Variants in ZBTB26 observed in about 807,000 individuals in gnomAD.
The protein encoded by ZBTB26 is zinc finger and BTB domain containing 26, also known as zinc finger and BTB domain-containing protein 26.
Under a neutral mutation model 31.6 loss-of-function variants are expected in ZBTB26, and 12 were observed. The observed-to-expected ratio is 0.38, with a 90% CI of 0.24 to 0.61. The LOEUF is 0.61. Ranked by LOEUF, ZBTB26 falls within the 20% of genes least tolerant of loss-of-function variation. ZBTB26 has a pLI of 0.60. For missense variants in ZBTB26, 311 were observed against 521.9 expected (o/e 0.60, Z 3.94); for synonymous variants, 155 against 182.9 (o/e 0.85, Z 1.23).
chr9:122,918,608 C>T lies in ZBTB26; in HGVS notation c.*1G>A, dbSNP rs768343857. On this transcript the variant is annotated 3_prime_UTR_variant, in exon 2 of 2. Coordinates refer to ENST00000373656, the MANE Select transcript of ZBTB26 (RefSeq NM_020924.4). ...TCGAGTTGTGAGCATGAAGCCCCTA[C>T]TCAATTCACACAAGTACTATCATTT... is the stretch of plus-strand genomic sequence containing the variant. 6.2e-7 allele frequency: 1 copy of T among 1,608,998 alleles called. No homozygotes were observed. Among genetic ancestry groups the T allele is most frequent in the Non-Finnish European group, 8.5e-7 (1 of 1,177,560 alleles).
chr9:122,919,948 A>T lies in ZBTB26; in HGVS notation c.-10-4T>A. 1.3e-6 allele frequency: 2 copies of T among 1,542,932 alleles called. No individual in the cohort carries two copies. Among genetic ancestry groups the T allele is most frequent in the East Asian group, 4.5e-5 (2 of 44,406 alleles). ...TCTTTCAGACATTTTGGCAGACCTA[A>T]AGAACAGAAATGTAAAAAGGTTGAA... On this transcript the variant is annotated splice_polypyrimidine_tract_variant and splice_region_variant and intron_variant, in intron 1 of 1. Transcript: ENST00000373656. This position sits in a 1 kb window ranked among gnomAD's most constrained non-coding sequence, Gnocchi z 6.1.
At chr9:122,920,053 T>C in intron 1 of ZBTB26, 109 bp from the exon 2 acceptor site, 1 of 1,264,032 alleles carries the variant, frequency 7.9e-7, no homozygotes, top group Non-Finnish European at 1.1e-6. Context: ...GTTTTGTATG[T>C]ATCCAAATGA....
chr9:122,924,516 T>C (rs1234705600), intron 1 of ZBTB26, among the ~76,000 whole-genome samples: 1 of 152,210 alleles, frequency 6.6e-6, no homozygotes, highest in Non-Finnish European at 1.5e-5. Context: ...ATGGTACAGA[T>C]GCTCTTCATT....
At chr9:122,930,971 C>T (rs1238209510) in intron 1 of ZBTB26, 2 of 152,230 alleles carry the variant, frequency 1.3e-5, no homozygotes, top group Admixed American at 1.3e-4. Context: ...TTGCCAATCT[C>T]CAGTGTCTGG....
chr9:122,930,954 C>CTT (rs1833269892), intron 1 of ZBTB26: 4 of 152,250 alleles, frequency 2.6e-5, no homozygotes, highest in African/African-American at 9.6e-5. Context: ...AAAACTGGAA[C>CTT]AATATCTTGC....
Position 122,916,711 on chromosome 9 carries a change from A to G in ZBTB26, c.*1898T>C, listed in dbSNP as rs1427720609. On this transcript the variant is annotated 3_prime_UTR_variant, in exon 2 of 2. Transcript: ENST00000373656. ...CCATATAATGAGTGATGTTAGGCAT[A>G]AGGTACCTATTAGTCTTACCACTCA... The G allele has an allele frequency of 6.6e-6, 1 of 152,246 alleles. No individual in the cohort carries two copies. Among genetic ancestry groups the G allele is most frequent in the African/African-American group, 2.4e-5 (1 of 41,464 alleles). The allele number at this position is 152,246 out of a possible 1,614,324, so 9.4% of individuals were successfully genotyped here. A position where few individuals can be genotyped will look rare whatever the true frequency, so the allele number is the denominator to read the frequency against.
rs985756426 is a variant in ZBTB26 at position 122,917,880 on chromosome 9, G to A, written c.*729C>T. The A allele has an allele frequency of 5.9e-5, 9 of 152,150 alleles. No homozygotes were observed. Among genetic ancestry groups the A allele is most frequent in the South Asian group, 2.1e-4 (1 of 4,816 alleles). The allele number at this position is 152,150 out of a possible 1,614,324, so 9.4% of individuals were successfully genotyped here. On this transcript the variant is annotated 3_prime_UTR_variant, in exon 2 of 2. Coordinates refer to ENST00000373656, the MANE Select transcript of ZBTB26 (RefSeq NM_020924.4). ...TATGGGACATGCTACCAGAGAAACC[G>A]CCCATGTAAGTGCTGTTGTATAAGT...
chr9:122,921,509 A>G (rs1833098746), intron 1 of ZBTB26, among the ~76,000 whole-genome samples: 1 of 152,210 alleles, frequency 6.6e-6, no homozygotes, highest in South Asian at 2.1e-4. Context: ...TTATCATCTT[A>G]ACTTCTGTAA....
In ZBTB26 at chr9:122,919,806, C is replaced by T. The variant is rs754400649; in HGVS notation, c.129G>A (p.Glu43=). 6.2e-7 allele frequency: 1 copy of T among 1,614,042 alleles called. No individual in the cohort carries two copies. Among genetic ancestry groups the T allele is most frequent in the East Asian group, 2.2e-5 (1 of 44,878 alleles). ...CAAACACAATTTTATGTCCCTGTAC[C>T]TCAATATCATCTATGAGAACTGTAA... ...CDVTVLIDDI[E]VQGHKIVFAA... The change falls in exon 2 of 2, where the codon GAG becomes GAA. Residue 43 remains glutamate (E), a synonymous_variant. Transcript: ENST00000373656. This position sits in a 1 kb window ranked among gnomAD's most constrained non-coding sequence, Gnocchi z 6.1.
chr9:122,923,211 AAGAG>A (rs1365715961), intron 1 of ZBTB26, among the ~76,000 whole-genome samples: 154 of 151,842 alleles, frequency 1.0e-3, no homozygotes, highest in African/African-American at 3.6e-3. Context: ...AAAAAAAAGA[AAGAG>A]AGGTGAAATT....
At chr9:122,929,726 C>G (rs60270413) in intron 1 of ZBTB26, among the ~76,000 whole-genome samples, 2,613 of 152,254 alleles carry the variant, frequency 0.017, 83 homozygotes, top group African/African-American at 0.06. Context: ...TAACACCAAA[C>G]CAGCTGAGGT....
Position 122,918,182 on chromosome 9 carries a change from T to C in ZBTB26, c.*427A>G, listed in dbSNP as rs569643633. 2 of 159,132 alleles carry C rather than the reference T, an allele frequency of 1.3e-5. No homozygotes were observed. Among genetic ancestry groups the C allele is most frequent in the African/African-American group, 4.8e-5 (2 of 41,674 alleles). The allele number at this position is 159,132 out of a possible 1,614,324, so 9.9% of individuals were successfully genotyped here. ...TATCACATTTTCAGGTCAATAGCAA[T>C]ATCACCTTATATCTCAGCCTATTTT... On this transcript the variant is annotated 3_prime_UTR_variant, in exon 2 of 2. Coordinates refer to ENST00000373656, the MANE Select transcript of ZBTB26 (RefSeq NM_020924.4).
chr9:122,929,147 T>C (rs1427455657), intron 1 of ZBTB26, among the ~76,000 whole-genome samples: 4 of 152,160 alleles, frequency 2.6e-5, no homozygotes, highest in African/African-American at 7.2e-5. Context: ...CAGAGAAGCC[T>C]GCATGACATC....
chr9:122,928,469 G>A (rs1012501239), intron 1 of ZBTB26, among the ~76,000 whole-genome samples: 1 of 151,936 alleles, frequency 6.6e-6, no homozygotes, highest in Admixed American at 6.5e-5. Context: ...CACCACGCCC[G>A]GCCTAGTTCT....
chr9:122,918,542 C>G lies in ZBTB26; in HGVS notation c.*67G>C. The G allele has an allele frequency of 6.5e-7, 1 of 1,543,926 alleles. No homozygotes were observed. On this transcript the variant is annotated 3_prime_UTR_variant, in exon 2 of 2. Coordinates refer to ENST00000373656, the MANE Select transcript of ZBTB26 (RefSeq NM_020924.4). Reference sequence around the variant, plus strand: ...TGGAGAAGTCAAACTAGCAAAATCACTCCTAAAAAGACTAAGACTATTGCC... The same window carrying G: ...TGGAGAAGTCAAACTAGCAAAATCAGTCCTAAAAAGACTAAGACTATTGCC...
intron 1 of ZBTB26, among the ~76,000 whole-genome samples, chr9:122,923,360 C>T (rs1833131114): frequency 1.6e-5 from 1 of 62,924 alleles, no homozygotes; most frequent in South Asian, 7.1e-4. Context: ...ACAAAAACTG[C>T]ATTGAGAGAG....
At position 122,919,535 on chromosome 9, in the gene ZBTB26, C is replaced by A; in HGVS notation, c.400G>T (p.Asp134Tyr). 6.2e-7 allele frequency: 1 copy of A among 1,614,218 alleles called. No individual in the cohort carries two copies. The highest frequency in any genetic ancestry group is 8.5e-7 in the Non-Finnish European group (1 of 1,180,038). Residue 134 changes from aspartate (D) to tyrosine (Y), a missense_variant, in exon 2 of 2, where the codon GAT becomes TAT. Physicochemically the swap from Asp to Tyr is radical, Grantham distance 160. Around this residue, in one of 5 missense-constraint regions of ZBTB26, gnomAD observed 207 missense variants for 298.6 expected, o/e 0.69. Coordinates refer to ENST00000373656, the MANE Select transcript of ZBTB26 (RefSeq NM_020924.4). The surrounding 1 kb of genome is among the most constrained non-coding windows in gnomAD (Gnocchi z 6.1). ...WKFIKPKQPM[D>Y]SKEGCEPQSA... ...TGTGGTTCACATCCCTCTTTACTATCCATTGGTTGTTTTGGCTTTATAAAC... is the reference window on the plus strand; with the variant it reads ...TGTGGTTCACATCCCTCTTTACTATACATTGGTTGTTTTGGCTTTATAAAC...
intron 1 of ZBTB26, among the ~76,000 whole-genome samples, chr9:122,929,109 G>A (rs548761755): frequency 6.6e-6 from 1 of 152,282 alleles, no homozygotes; most frequent in African/African-American, 2.4e-5. Flanking sequence ...GAATATTGGA[G>A]GGCATGATCA....
intron 1 of ZBTB26, among the ~76,000 whole-genome samples, chr9:122,929,000 TG>T (rs1246706585): frequency 6.6e-6 from 1 of 152,206 alleles, no homozygotes; most frequent in Non-Finnish European, 1.5e-5. Context: ...AAAGAACTGA[TG>T]GGCTTGGTGA....
Sources: allele counts gnomAD v4.1 joint callset (sites outside exome capture counted in the v4.1 genomes callset), GRCh38; gene constraint gnomAD v4.1.1; regional missense constraint gnomAD v4.1.1; non-coding constraint Gnocchi (gnomAD v3.1); transcripts MANE v1.5; gene names NCBI Gene and HGNC (gene_info 2026-07-23, HGNC 2026-07-21).